Variants in IL1RAPL2 observed in about 807,000 individuals in gnomAD.
IL1RAPL2 encodes the protein X-linked interleukin-1 receptor accessory protein-like 2.
Under a neutral mutation model 44.1 loss-of-function variants are expected in IL1RAPL2, and 3 were observed. The ratio of observed to expected loss-of-function variants is 0.07; its 90% CI spans 0.03 to 0.18. The LOEUF (loss-of-function observed/expected upper bound fraction) is 0.18. Among genes scored for constraint, IL1RAPL2 ranks in the 10% least tolerant of loss-of-function variants. IL1RAPL2 has a pLI of 1.00. For synonymous variants in IL1RAPL2, 181 were observed against 178.8 expected (o/e 1.01, Z -0.10); for missense variants, 391 against 496.4 (o/e 0.79, Z 2.02).
intron 2 of IL1RAPL2, among the ~76,000 whole-genome samples, chrX:105,018,881 C>G (rs1443810381): frequency 9.0e-6 from 1 of 111,077 alleles, no homozygotes; most frequent in Non-Finnish European, 1.9e-5. Flanking sequence ...CACGCACTGC[C>G]AAGATATTGA....
intron 1 of IL1RAPL2, chrX:104,647,487 G>A: frequency 1.8e-6 from 1 of 564,149 alleles, no homozygotes; most frequent in South Asian, 2.3e-5. Flanking sequence ...AAGGTGGGAT[G>A]TGTCAAGGAC....
At chrX:105,033,071 G>C (rs1200164491) in intron 2 of IL1RAPL2, among the ~76,000 whole-genome samples, 2 of 111,105 alleles carry the variant, frequency 1.8e-5, no homozygotes, top group South Asian at 3.8e-4. Flanking sequence ...TTTTCCATTT[G>C]CTTGGTAGAT....
intron 2 of IL1RAPL2, among the ~76,000 whole-genome samples, chrX:105,162,771 A>G: frequency 9.0e-6 from 1 of 111,386 alleles, no homozygotes. Flanking sequence ...TTTATTTCTC[A>G]TAGTTCTAGA....
At chrX:105,320,018 A>G (rs768564077) in intron 5 of IL1RAPL2, among the ~76,000 whole-genome samples, 51 of 110,634 alleles carry the variant, frequency 4.6e-4, no homozygotes, top group African/African-American at 1.6e-3. Context: ...GTGTGTGTGT[A>G]TGTGTGTACA....
intron 1 of IL1RAPL2, among the ~76,000 whole-genome samples, chrX:104,637,389 G>T (rs1270587277): frequency 2.7e-5 from 3 of 111,429 alleles, no homozygotes; most frequent in Non-Finnish European, 5.7e-5. Context: ...GGGCATCCTT[G>T]TTCCAGTTCC....
intron 2 of IL1RAPL2, among the ~76,000 whole-genome samples, chrX:104,810,523 T>C (rs1384087876): frequency 9.0e-6 from 1 of 111,562 alleles, no homozygotes; most frequent in Non-Finnish European, 1.9e-5. Flanking sequence ...TTCTTTTCCT[T>C]CTATCATGAG....
intron 1 of IL1RAPL2, among the ~76,000 whole-genome samples, chrX:104,634,362 A>G (rs543191020): frequency 4.5e-5 from 5 of 111,347 alleles, no homozygotes; most frequent in Admixed American, 9.5e-5. Context: ...TATTAGGTCC[A>G]CTTGGTGCAG....
intron 2 of IL1RAPL2, among the ~76,000 whole-genome samples, chrX:105,107,114 A>G (rs2032752233): frequency 1.8e-5 from 2 of 112,786 alleles, no homozygotes; most frequent in African/African-American, 6.4e-5. Context: ...TAAAGACCAG[A>G]TGGTGTTAAG....
intron 6 of IL1RAPL2, among the ~76,000 whole-genome samples, chrX:105,665,727 TTTTTTTG>T (rs1411470007): frequency 1.3e-4 from 10 of 77,612 alleles, no homozygotes; most frequent in Non-Finnish European, 2.3e-4. Context: ...TTTATTTTTG[TTTTTTTG>T]TTTTTTTGTT....
At chrX:104,798,159 G>C (rs1932862390) in intron 2 of IL1RAPL2, among the ~76,000 whole-genome samples, 1 of 111,509 alleles carries the variant, frequency 9.0e-6, no homozygotes. Flanking sequence ...GTGGAAAATG[G>C]CATTTCAAGA....
At chrX:104,729,085 T>C (rs1336277734) in intron 2 of IL1RAPL2, among the ~76,000 whole-genome samples, 1 of 110,205 alleles carries the variant, frequency 9.1e-6, no homozygotes, top group East Asian at 2.8e-4. Context: ...TCCAAATCAG[T>C]AGAAGAGGAC....
chrX:104,736,390 A>G (rs1361226267), intron 2 of IL1RAPL2, among the ~76,000 whole-genome samples: 1 of 111,959 alleles, frequency 8.9e-6, no homozygotes, highest in Non-Finnish European at 1.9e-5. Flanking sequence ...GACTGACTTG[A>G]ATGCCCATTC....
intron 5 of IL1RAPL2, among the ~76,000 whole-genome samples, chrX:105,281,258 C>T (rs1032165160): frequency 1.8e-5 from 2 of 110,687 alleles, no homozygotes; most frequent in African/African-American, 3.3e-5. Context: ...GAACATCACA[C>T]ACCGGGGACT....
intron 4 of IL1RAPL2, among the ~76,000 whole-genome samples, chrX:105,254,688 T>C (rs1216429237): frequency 8.9e-6 from 1 of 111,990 alleles, no homozygotes; most frequent in African/African-American, 3.2e-5. Flanking sequence ...TAGTTTGGGG[T>C]TCTACATTTA....
At chrX:105,031,590 A>G (rs891401017) in intron 2 of IL1RAPL2, among the ~76,000 whole-genome samples, 26 of 111,902 alleles carry the variant, frequency 2.3e-4, no homozygotes, top group Non-Finnish European at 4.5e-4. Context: ...CCCAGGGATG[A>G]AGCCCACTTG....
intron 2 of IL1RAPL2, among the ~76,000 whole-genome samples, chrX:104,772,051 A>T (rs991155806): frequency 9.0e-6 from 1 of 111,477 alleles, no homozygotes; most frequent in Non-Finnish European, 1.9e-5. Flanking sequence ...AGAAGAGTCT[A>T]TTAGATGGTC....
At chrX:104,716,546 T>C (rs1931570159) in intron 2 of IL1RAPL2, among the ~76,000 whole-genome samples, 4 of 110,763 alleles carry the variant, frequency 3.6e-5, no homozygotes, top group Non-Finnish European at 7.6e-5. Context: ...GCCTAATATC[T>C]AGAATCTATA....
intron 2 of IL1RAPL2, among the ~76,000 whole-genome samples, chrX:105,035,130 G>T (rs1366028740): frequency 9.0e-6 from 1 of 111,385 alleles, no homozygotes; most frequent in African/African-American, 3.3e-5. Flanking sequence ...AATTTTCCAG[G>T]TGCCGTCTGT....
chrX:105,217,412 A>T (rs782800072), intron 3 of IL1RAPL2, among the ~76,000 whole-genome samples: 1 of 112,086 alleles, frequency 8.9e-6, no homozygotes, highest in African/African-American at 3.2e-5. Flanking sequence ...ACCACCTCAC[A>T]CCAGTTAGAA....
Sources: gnomAD v4.1 joint callset for allele counts (sites outside exome capture counted in the v4.1 genomes callset) on GRCh38, gnomAD v4.1.1 for gene constraint, MANE v1.5 for transcripts, NCBI Gene and HGNC (gene_info 2026-07-23, HGNC 2026-07-21) for gene names.